The following NECAB2 variants were observed in gnomAD, a reference collection of about 807,000 sequenced individuals.
NECAB2 encodes the protein N-terminal EF-hand calcium binding protein 2.
A neutral mutation model predicts 51.9 loss-of-function variants in NECAB2; 68 were observed. The ratio of observed to expected loss-of-function variants is 1.31; its 90% CI spans 1.08 to 1.60. NECAB2 has a LOEUF of 1.60. NECAB2 is among the 40% of genes most tolerant of loss of function. The pLI is 0.00. For synonymous variants in NECAB2, 329 were observed against 203.5 expected, an observed-to-expected ratio of 1.62 and a Z score of -5.25; for missense variants, 854 against 490.3, an observed-to-expected ratio of 1.74 and a Z score of -7.00.
At chr16:83,971,127 C>T (rs1190086839) in intron 1 of NECAB2, among the ~76,000 whole-genome samples, 1 of 152,032 alleles carries the variant, frequency 6.6e-6, no homozygotes, top group Non-Finnish European at 1.5e-5. Context: ...TGAATCAGTC[C>T]CCGTGGGAAC....
chr16:83,992,386 C>CG (rs1555548106), intron 6 of NECAB2, among the ~76,000 whole-genome samples: 6 of 148,670 alleles, frequency 4.0e-5, no homozygotes, highest in African/African-American at 1.5e-4. Context: ...GTCCCCCCGC[C>CG]CACCTCCATT....
chr16:83,978,251 C>T (rs980966564), intron 2 of NECAB2, among the ~76,000 whole-genome samples, 193 bp from the exon 3 acceptor site: 21 of 152,098 alleles, frequency 1.4e-4, no homozygotes, highest in African/African-American at 4.8e-4. Context: ...TGGGAATTAG[C>T]TGGGTGGGTA....
At chr16:84,001,300 G>A in intron 11 of NECAB2, among the ~76,000 whole-genome samples, 1 of 151,896 alleles carries the variant, frequency 6.6e-6, no homozygotes, top group South Asian at 2.1e-4. Context: ...GGAGACTATT[G>A]CTGATGCGCC....
chr16:83,984,203 G>A (rs886572299), intron 5 of NECAB2, among the ~76,000 whole-genome samples: 4 of 151,520 alleles, frequency 2.6e-5, no homozygotes, highest in African/African-American at 4.8e-5. Context: ...CATCGTGTTA[G>A]CCAGGATGGT....
Position 83,994,680 on chromosome 16 carries a change from G to T in NECAB2, c.787G>T (p.Glu263Ter). ...SRLAELIGRL[E>*]SKALWFDLQQ... ...CTTGGCAGAGCTGATTGGGAGGCTGGAGAGCAAAGTAAGCCCTGGCCTGAC... is the reference window on the plus strand; with the variant it reads ...CTTGGCAGAGCTGATTGGGAGGCTGTAGAGCAAAGTAAGCCCTGGCCTGAC... Residue 263 changes from glutamate to a stop codon, truncating the protein, a stop_gained, in exon 8 of 13, where the codon GAG (glutamate) becomes TAG (stop). Transcript: ENST00000305202. LOFTEE classifies it high-confidence loss of function. The T allele has an allele frequency of 5.6e-6, 9 of 1,614,096 alleles. No homozygotes were observed. The highest frequency in any genetic ancestry group is 7.6e-6 in the Non-Finnish European group (9 of 1,180,012).
At chr16:84,000,853 G>T (rs1196064558) in intron 11 of NECAB2, 52 bp downstream of exon 11, 1 of 1,577,424 alleles carries the variant, frequency 6.3e-7, no homozygotes, top group East Asian at 2.2e-5. Flanking sequence ...GAAGTGGGGG[G>T]GCTGTCTTCC....
At chr16:83,973,900 C>T (rs893716786) in intron 2 of NECAB2, among the ~76,000 whole-genome samples, 6 of 151,986 alleles carry the variant, frequency 3.9e-5, no homozygotes, top group Non-Finnish European at 5.9e-5. Flanking sequence ...AGTTAGTGTG[C>T]GTGTGTGGCT....
rs1235880243 is a variant in NECAB2, at chr16:83,994,666, T to G, written c.773T>G (p.Leu258Arg). 6.2e-7 allele frequency: 1 copy of G among 1,613,918 alleles called. No individual in the cohort carries two copies. Among genetic ancestry groups the G allele is most frequent in the Non-Finnish European group, 8.5e-7 (1 of 1,180,028 alleles). The change falls in exon 8 of 13, where the codon CTG becomes CGG. Residue 258 changes from leucine (L) to arginine (R), a missense_variant. Leu to Arg is a moderately radical substitution (Grantham distance 102). Transcript: ENST00000305202. ...GCCCAGATCAGCCGCTTGGCAGAGC[T>G]GATTGGGAGGCTGGAGAGCAAAGTA... Reference protein sequence around the residue: ...LEAQISRLAELIGRLESKALW... With the variant: ...LEAQISRLAERIGRLESKALW...
chr16:83,993,219 G>T (rs78667339), intron 6 of NECAB2, among the ~76,000 whole-genome samples: 5,662 of 152,214 alleles, frequency 0.037, 137 homozygotes, highest in South Asian at 0.072. Context: ...TACTGGCTCA[G>T]ACCCCACCAC....
In NECAB2 at chr16:84,002,609, C is replaced by T. The variant is rs2084860876; in HGVS notation, c.*263C>T. The stretch of plus-strand genomic sequence containing the variant: ...GAGCCAGCACCCCTGCCTCCTGGTC[C>T]TGGCCTCTCCCCTACCCCTCACATG... On this transcript the variant is annotated 3_prime_UTR_variant, in exon 13 of 13. Transcript: ENST00000305202. 1.7e-6 allele frequency: 1 copy of T among 574,086 alleles called. No individual in the cohort carries two copies. Among genetic ancestry groups the T allele is most frequent in the South Asian group, 2.0e-5 (1 of 49,484 alleles). 35.6% of individuals were successfully genotyped at this position (574,086 alleles called of 1,614,324 possible).
At chr16:83,981,167 G>C (rs2084484868) in intron 5 of NECAB2, 40 bp downstream of exon 5, 1 of 1,557,046 alleles carries the variant, frequency 6.4e-7, no homozygotes, top group Non-Finnish European at 8.9e-7. Flanking sequence ...CAGGGCTCCA[G>C]TGCTGCTTCA....
At chr16:83,998,874 G>C (rs189937224) in intron 10 of NECAB2, among the ~76,000 whole-genome samples, 13 of 152,328 alleles carry the variant, frequency 8.5e-5, no homozygotes, top group African/African-American at 2.4e-4. Context: ...CATCCCACCA[G>C]GCTGATGTAG....
rs78359178 is a variant in NECAB2, at chr16:84,002,557, C to G, written c.*211C>G. On this transcript the variant is annotated 3_prime_UTR_variant, in exon 13 of 13. Transcript: ENST00000305202. Reference sequence around the variant, plus strand: ...TCTGTGCTGCCAGGTCCTGGTGAAGCCCAAGGTTGAAGGGGGCGGCTTCCT... The same window carrying G: ...TCTGTGCTGCCAGGTCCTGGTGAAGGCCAAGGTTGAAGGGGGCGGCTTCCT... 1,416 of 652,720 alleles carry G rather than the reference C, an allele frequency of 2.2e-3. 21 individuals carry two copies. In the African/African-American group the frequency reaches 0.023, roughly 11 times the overall value. The allele number at this position is 652,720 out of a possible 1,614,324, so 40.4% of individuals were successfully genotyped here.
At chr16:83,983,167 C>G (rs2084510335) in intron 5 of NECAB2, among the ~76,000 whole-genome samples, 1 of 152,156 alleles carries the variant, frequency 6.6e-6, no homozygotes, top group African/African-American at 2.4e-5. Flanking sequence ...ATTGGCATTT[C>G]TTTTGCTTGC....
intron 11 of NECAB2, among the ~76,000 whole-genome samples, chr16:84,001,203 A>G (rs1042266411): frequency 6.6e-6 from 1 of 151,814 alleles, no homozygotes. Flanking sequence ...AGTGCCCGGT[A>G]CGAGGGACGG....
At chr16:83,976,807 G>T (rs1261978249) in intron 2 of NECAB2, among the ~76,000 whole-genome samples, 1 of 152,198 alleles carries the variant, frequency 6.6e-6, no homozygotes, top group Non-Finnish European at 1.5e-5. Context: ...AAAAGTGGTG[G>T]CATGAAACCT....
intron 2 of NECAB2, 105 bp from the exon 3 acceptor site, chr16:83,978,339 T>A: frequency 1.2e-6 from 1 of 812,914 alleles, no homozygotes; most frequent in East Asian, 2.5e-5. Context: ...CTGCAGTTGT[T>A]CTGTCAGTCA....
chr16:83,979,271 C>G (rs1200376239), intron 3 of NECAB2, among the ~76,000 whole-genome samples: 1 of 152,228 alleles, frequency 6.6e-6, no homozygotes, highest in Non-Finnish European at 1.5e-5. Context: ...CTCAGGCCTA[C>G]TCGCGTGATG....
At position 83,990,485 on chromosome 16, in the gene NECAB2, C is replaced by G. The variant is rs750061344; in HGVS notation, c.460-9C>G. On this transcript the variant is annotated splice_polypyrimidine_tract_variant and intron_variant, in intron 5 of 12. Transcript: ENST00000305202. ...TTTCCCCTCAGTGCCTCTTCTCTTC[C>G]TTCCACAGGTATATGAGGGTGGGAG... 4.3e-6 allele frequency: 7 copies of G among 1,613,908 alleles called. No individual in the cohort carries two copies. The highest frequency in any genetic ancestry group is 5.9e-6 in the Non-Finnish European group (7 of 1,179,826).
Sources: allele counts gnomAD v4.1 joint callset (sites outside exome capture counted in the v4.1 genomes callset), GRCh38; gene constraint gnomAD v4.1.1; transcripts MANE v1.5; gene names NCBI Gene and HGNC (gene_info 2026-07-23, HGNC 2026-07-21).